Variants in TENM2 observed in about 807,000 individuals in gnomAD.
TENM2 encodes the protein teneurin transmembrane protein 2.
In TENM2, 52 loss-of-function variants were observed where a neutral mutation model predicts 245.2. The ratio of observed to expected loss-of-function variants is 0.21; its 90% CI spans 0.17 to 0.27. The LOEUF (loss-of-function observed/expected upper bound fraction) is 0.27, where lower values mean the gene tolerates loss of function less well. TENM2 is among the 10% of genes least tolerant of loss of function. TENM2 has a pLI of 1.00. For missense variants in TENM2, 3,046 were observed against 3,666.8 expected, an observed-to-expected ratio of 0.83 and a Z score of 4.37; for synonymous variants, 1,363 against 1,438.9, an observed-to-expected ratio of 0.95 and a Z score of 1.19.
At chr5:167,697,105 A>G (rs974636925) in intron 2 of TENM2, among the ~76,000 whole-genome samples, 5 of 152,100 alleles carry the variant, frequency 3.3e-5, no homozygotes, top group African/African-American at 9.7e-5. Context: ...TTAGATGCCA[A>G]TAGCACCACA....
the TENM2 span, among the ~76,000 whole-genome samples, chr5:167,058,590 C>T: frequency 6.6e-6 from 1 of 152,106 alleles, no homozygotes; most frequent in East Asian, 1.9e-4. Context: ...AAGACCCTAT[C>T]TCTATAAAAA....
chr5:167,335,421 A>C (rs924048268), intron 1 of TENM2, among the ~76,000 whole-genome samples: 1 of 152,160 alleles, frequency 6.6e-6, no homozygotes, highest in African/African-American at 2.4e-5. Flanking sequence ...TTGAGCAGGG[A>C]CACAGATCCA....
intron 7 of TENM2, among the ~76,000 whole-genome samples, chr5:168,085,813 C>G (rs1425422983): frequency 6.6e-6 from 1 of 152,200 alleles, no homozygotes; most frequent in Non-Finnish European, 1.5e-5. Flanking sequence ...CATGTGGCTT[C>G]AAGCAGCCCT....
intron 1 of TENM2, among the ~76,000 whole-genome samples, chr5:167,356,187 CAAAAAAAAAAAAAAAAAAAAAA>C (rs58804392): frequency 1.4e-5 from 1 of 74,030 alleles, no homozygotes. Context: ...GACTCCATCT[CAAAAAAAAAAAAAAAAAAAAAA>C]AAAAAAAAAA....
chr5:167,814,006 C>T (rs1014353097), intron 2 of TENM2, among the ~76,000 whole-genome samples: 3 of 152,122 alleles, frequency 2.0e-5, no homozygotes, highest in Non-Finnish European at 4.4e-5. Flanking sequence ...TCATCGTCCA[C>T]CTTTCTTTTC....
intron 1 of TENM2, among the ~76,000 whole-genome samples, chr5:167,323,647 T>C (rs1028118772): frequency 2.6e-5 from 4 of 152,154 alleles, no homozygotes; most frequent in African/African-American, 9.7e-5. Context: ...TCGCCTGAAA[T>C]TTCAGAAGTA....
intron 2 of TENM2, among the ~76,000 whole-genome samples, chr5:167,512,123 C>G (rs1769999932): frequency 6.6e-6 from 1 of 152,116 alleles, no homozygotes; most frequent in East Asian, 1.9e-4. Flanking sequence ...TAAGATTTGA[C>G]TATTAAAAAA....
intron 4 of TENM2, among the ~76,000 whole-genome samples, chr5:167,982,926 A>AT (rs1046774235): frequency 1.6e-4 from 24 of 152,124 alleles, no homozygotes; most frequent in African/African-American, 5.6e-4. Flanking sequence ...AATGGGAGAA[A>AT]TTATCCTGCT....
intron 2 of TENM2, among the ~76,000 whole-genome samples, chr5:167,774,531 G>A (rs182435266): frequency 6.6e-6 from 1 of 152,274 alleles, no homozygotes; most frequent in East Asian, 1.9e-4. Flanking sequence ...CTACATTAGG[G>A]AGAGTCTTTC....
intron 1 of TENM2, among the ~76,000 whole-genome samples, chr5:167,313,200 G>A (rs988998547): frequency 2.0e-5 from 3 of 151,976 alleles, no homozygotes; most frequent in East Asian, 1.9e-4. Context: ...ACCGTGCCCA[G>A]CCTGACCTTG....
intron 5 of TENM2, among the ~76,000 whole-genome samples, chr5:168,041,240 C>T (rs1267873051): frequency 1.3e-5 from 2 of 152,152 alleles, no homozygotes; most frequent in Non-Finnish European, 2.9e-5. Flanking sequence ...TTGGGCAAGT[C>T]TCTTAACCTC....
At chr5:168,198,827 C>G in intron 15 of TENM2, 26 bp from the exon 18 acceptor site, 1 of 1,607,542 alleles carries the variant, frequency 6.2e-7, no homozygotes, top group Non-Finnish European at 8.5e-7. Context: ...TCTACCCCCT[C>G]ATCAGCTCAT....
the TENM2 span, among the ~76,000 whole-genome samples, chr5:167,111,509 A>G: frequency 1.3e-5 from 2 of 152,246 alleles, no homozygotes. Context: ...AAGAAAATCA[A>G]CAGGAATTCA....
At chr5:167,124,242 C>T in the TENM2 span, among the ~76,000 whole-genome samples, 20 of 152,206 alleles carry the variant, frequency 1.3e-4, no homozygotes, top group East Asian at 2.3e-3. Flanking sequence ...AAAATAAAAA[C>T]AGAAACCATA....
intron 5 of TENM2, among the ~76,000 whole-genome samples, chr5:168,042,545 C>A (rs1455782424): frequency 6.6e-6 from 1 of 152,134 alleles, no homozygotes; most frequent in Non-Finnish European, 1.5e-5. Flanking sequence ...CCATTCCAAG[C>A]TGCCACTTTT....
At chr5:167,931,529 C>G (rs972759628) in intron 3 of TENM2, among the ~76,000 whole-genome samples, 1 of 145,402 alleles carries the variant, frequency 6.9e-6, no homozygotes, top group Non-Finnish European at 1.5e-5. Context: ...AGGGAGAGCA[C>G]CCCAACCCCA....
chr5:167,232,961 C>A, the TENM2 span, among the ~76,000 whole-genome samples: 4 of 152,186 alleles, frequency 2.6e-5, no homozygotes, highest in African/African-American at 9.7e-5. Flanking sequence ...GCTGGAGATA[C>A]AAAGTACTCT....
the TENM2 span, among the ~76,000 whole-genome samples, chr5:167,145,761 A>G: frequency 1.3e-5 from 2 of 152,136 alleles, no homozygotes; most frequent in African/African-American, 4.8e-5. Flanking sequence ...TGAAAATCCT[A>G]CGACTGATTC....
At chr5:167,786,904 G>A (rs901174551) in intron 2 of TENM2, among the ~76,000 whole-genome samples, 9 of 152,110 alleles carry the variant, frequency 5.9e-5, no homozygotes, top group Admixed American at 6.6e-5. Flanking sequence ...AAGTTAACCC[G>A]TTATAGAATT....
Sources: allele counts gnomAD v4.1 joint callset (sites outside exome capture counted in the v4.1 genomes callset), GRCh38; gene constraint gnomAD v4.1.1; transcripts MANE v1.5; gene names NCBI Gene and HGNC (gene_info 2026-07-23, HGNC 2026-07-21).